MMS22L: variants seen among roughly 807,000 people sequenced by gnomAD.
The protein encoded by MMS22L is MMS22 like, DNA repair protein, also known as protein MMS22-like.
MMS22L carries 74 observed loss-of-function variants against 159.1 expected under a neutral mutation model. The observed-to-expected ratio is 0.47, with a 90% CI of 0.39 to 0.56. The LOEUF (loss-of-function observed/expected upper bound fraction) is 0.56, where lower values mean the gene tolerates loss of function less well. MMS22L is among the 20% of genes least tolerant of loss of function. The probability of loss-of-function intolerance (pLI) is 0.00; values close to 1 mark genes in which losing one functional copy is unlikely to be tolerated. For synonymous variants in MMS22L, 517 were observed against 506.9 expected (o/e 1.02, Z -0.27); for missense variants, 1,351 against 1,422.1 (o/e 0.95, Z 0.80).
intron 24 of MMS22L, among the ~76,000 whole-genome samples, chr6:97,147,827 T>G (rs1473024923): frequency 6.6e-6 from 1 of 152,178 alleles, no homozygotes; most frequent in Non-Finnish European, 1.5e-5. Context: ...CCCCTGCCTT[T>G]TATATGAAAT....
At chr6:97,202,952 G>T (rs1807338812) in intron 14 of MMS22L, among the ~76,000 whole-genome samples, 1 of 152,010 alleles carries the variant, frequency 6.6e-6, no homozygotes. Flanking sequence ...TTTCCTTAAG[G>T]TTTCCAGCCT....
At chr6:97,276,058 T>C (rs1374818086) in intron 4 of MMS22L, among the ~76,000 whole-genome samples, 3 of 152,080 alleles carry the variant, frequency 2.0e-5, no homozygotes, top group African/African-American at 4.8e-5. Context: ...CAGCAAAACA[T>C]GTCATTAAGT....
intron 18 of MMS22L, among the ~76,000 whole-genome samples, chr6:97,176,751 T>C (rs1052868900): frequency 6.6e-6 from 1 of 152,148 alleles, no homozygotes; most frequent in Non-Finnish European, 1.5e-5. Flanking sequence ...ATTAAGCATA[T>C]CCTGTGTAAT....
intron 2 of MMS22L, among the ~76,000 whole-genome samples, chr6:97,282,008 A>C (rs926690778): frequency 6.6e-6 from 1 of 152,226 alleles, no homozygotes; most frequent in African/African-American, 2.4e-5. Flanking sequence ...TTAGAAGGAA[A>C]TACTACTGCA....
intron 11 of MMS22L, among the ~76,000 whole-genome samples, chr6:97,237,588 C>G (rs1253827601): frequency 2.0e-5 from 3 of 152,058 alleles, no homozygotes; most frequent in Non-Finnish European, 4.4e-5. Context: ...AGAATAATAC[C>G]CACATGGTAT....
chr6:97,214,652 G>C (rs980181538), intron 14 of MMS22L, among the ~76,000 whole-genome samples: 2 of 146,264 alleles, frequency 1.4e-5, no homozygotes, highest in Non-Finnish European at 3.0e-5. Flanking sequence ...GAAACAAAGA[G>C]ATCTTATATC....
Position 97,151,799 on chromosome 6 carries a change from G to A in MMS22L, c.3454C>T (p.Pro1152Ser). The A allele has an allele frequency of 6.2e-7, 1 of 1,613,628 alleles. No individual in the cohort carries two copies. The highest frequency in any genetic ancestry group is 1.3e-5 in the African/African-American group (1 of 74,998). Residue 1152 changes from proline to serine, a missense_variant, in exon 23 of 25, where the codon CCT becomes TCT. Coordinates refer to ENST00000683635, the MANE Select transcript of MMS22L (RefSeq NM_001350599.2). ...KACQVGSEEEPSSQLTSVFRQ... is the reference protein window; with the variant it reads ...KACQVGSEEESSSQLTSVFRQ... Reference sequence around the variant, plus strand: ...AACACAGAAGTCAGCTGGGAGGAAGGTTCTTCTTCTGACCCCACTTGGCAG... The same window carrying A: ...AACACAGAAGTCAGCTGGGAGGAAGATTCTTCTTCTGACCCCACTTGGCAG...
chr6:97,235,993 C>T (rs1223039224), intron 11 of MMS22L, among the ~76,000 whole-genome samples: 1 of 151,972 alleles, frequency 6.6e-6, no homozygotes, highest in African/African-American at 2.4e-5. Context: ...GATGTTAACC[C>T]GAATGGATTG....
intron 14 of MMS22L, among the ~76,000 whole-genome samples, chr6:97,214,386 G>C (rs1808739949): frequency 6.6e-6 from 1 of 152,208 alleles, no homozygotes; most frequent in Admixed American, 6.5e-5. Flanking sequence ...CATCAATATG[G>C]AAAGTTGTTG....
chr6:97,224,634 G>T (rs1185079316), intron 14 of MMS22L, among the ~76,000 whole-genome samples: 2 of 149,498 alleles, frequency 1.3e-5, no homozygotes, highest in African/African-American at 2.5e-5. Flanking sequence ...CCCTTTTTTT[G>T]TAGCAAAAAC....
At chr6:97,181,023 T>C (rs747737735) in intron 16 of MMS22L, among the ~76,000 whole-genome samples, 1 of 152,122 alleles carries the variant, frequency 6.6e-6, no homozygotes, top group African/African-American at 2.4e-5. Context: ...ACATATGCCA[T>C]GTGTACACAC....
intron 10 of MMS22L, among the ~76,000 whole-genome samples, chr6:97,246,987 GA>G (rs5878471): frequency 0.65 from 94,201 of 143,932 alleles, 32,034 homozygotes; most frequent in Non-Finnish European, 0.76. Flanking sequence ...AATCCAACAG[GA>G]AAAAAAAAAA....
chr6:97,222,287 A>T (rs1809739742), intron 14 of MMS22L, among the ~76,000 whole-genome samples: 1 of 152,064 alleles, frequency 6.6e-6, no homozygotes, highest in Non-Finnish European at 1.5e-5. Context: ...ATGATCTTCT[A>T]GCCTTATAGG....
chr6:97,192,311 AC>A (rs1193655961), intron 14 of MMS22L, among the ~76,000 whole-genome samples: 1 of 152,216 alleles, frequency 6.6e-6, no homozygotes, highest in Admixed American at 6.5e-5. Flanking sequence ...ACATATAATT[AC>A]AGAGAAAAAT....
chr6:97,234,517 T>G (rs1005158070), intron 11 of MMS22L, among the ~76,000 whole-genome samples: 1 of 152,184 alleles, frequency 6.6e-6, no homozygotes, highest in Admixed American at 6.5e-5. Flanking sequence ...GATATAACCA[T>G]GCATATATTT....
chr6:97,257,538 C>T (rs1429694565), intron 9 of MMS22L, among the ~76,000 whole-genome samples: 1 of 152,116 alleles, frequency 6.6e-6, no homozygotes, highest in Non-Finnish European at 1.5e-5. Context: ...CTCAAGTGAT[C>T]ATCCCACCTC....
intron 10 of MMS22L, among the ~76,000 whole-genome samples, chr6:97,248,160 C>T (rs1466817000): frequency 6.6e-6 from 1 of 152,232 alleles, no homozygotes; most frequent in Non-Finnish European, 1.5e-5. Context: ...CTTTATGACA[C>T]TCTGATCTGT....
At chr6:97,186,747 T>C in intron 14 of MMS22L, 57 bp from the exon 15 acceptor site, 1 of 1,276,138 alleles carries the variant, frequency 7.8e-7, no homozygotes, top group South Asian at 2.1e-5. Context: ...AAAAATCTTC[T>C]TAAAGTACAT....
At chr6:97,150,740 G>T (rs1037200673) in intron 23 of MMS22L, among the ~76,000 whole-genome samples, 2 of 152,162 alleles carry the variant, frequency 1.3e-5, no homozygotes, top group East Asian at 3.9e-4. Context: ...TATGTGATGA[G>T]AAAAATGGAG....
Sources: gnomAD v4.1 joint callset for allele counts (sites outside exome capture counted in the v4.1 genomes callset) on GRCh38, gnomAD v4.1.1 for gene constraint, MANE v1.5 for transcripts, NCBI Gene and HGNC (gene_info 2026-07-23, HGNC 2026-07-21) for gene names.